Variants in NEGR1 observed in about 807,000 individuals in gnomAD.
NEGR1 encodes IgLON family member 4.
In NEGR1, 10 loss-of-function variants were observed where a neutral mutation model predicts 40.9. The ratio of observed to expected loss-of-function variants is 0.24; its 90% CI spans 0.15 to 0.42. The LOEUF is 0.42. NEGR1 is among the 10% of genes least tolerant of loss of function. The pLI, the probability that NEGR1 is intolerant of heterozygous loss-of-function variation, is 1.00. For synonymous variants in NEGR1, 185 were observed against 166.8 expected (o/e 1.11, Z -0.84); for missense variants, 352 against 438.9 (o/e 0.80, Z 1.77).
intron 1 of NEGR1, among the ~76,000 whole-genome samples, chr1:72,009,461 T>G (rs1358515395): frequency 6.6e-6 from 1 of 152,200 alleles, no homozygotes; most frequent in South Asian, 2.1e-4. Flanking sequence ...TCTTCTTTTT[T>G]AAATCATTCT....
chr1:71,462,647 A>G (rs964319858), intron 6 of NEGR1, among the ~76,000 whole-genome samples: 1 of 152,190 alleles, frequency 6.6e-6, no homozygotes, highest in African/African-American at 2.4e-5. Flanking sequence ...AGATGTGTTG[A>G]AAACAATAAC....
At chr1:71,551,635 C>T (rs755795817) in intron 6 of NEGR1, among the ~76,000 whole-genome samples, 9 of 151,616 alleles carry the variant, frequency 5.9e-5, no homozygotes, top group African/African-American at 1.9e-4. Context: ...CTTTCCCACC[C>T]GTGGTAGACA....
At chr1:71,755,229 T>A (rs900895372) in intron 3 of NEGR1, among the ~76,000 whole-genome samples, 1 of 152,120 alleles carries the variant, frequency 6.6e-6, no homozygotes, top group Non-Finnish European at 1.5e-5. Context: ...TCTATCAGTC[T>A]GTTGGTTTTA....
chr1:71,885,832 A>T (rs559293832), intron 2 of NEGR1, among the ~76,000 whole-genome samples: 1 of 152,154 alleles, frequency 6.6e-6, no homozygotes, highest in African/African-American at 2.4e-5. Context: ...GTTTACCTGG[A>T]TATTTTTCAT....
At chr1:72,246,434 C>T (rs369987018) in intron 1 of NEGR1, among the ~76,000 whole-genome samples, 1 of 152,042 alleles carries the variant, frequency 6.6e-6, no homozygotes, top group East Asian at 1.9e-4. Context: ...GTTTTTATGC[C>T]TCCATGCCAT....
intron 6 of NEGR1, among the ~76,000 whole-genome samples, chr1:71,578,873 G>A (rs967539367): frequency 2.0e-5 from 3 of 152,106 alleles, no homozygotes; most frequent in African/African-American, 7.2e-5. Context: ...ATTGGCACAA[G>A]CATATCTGAT....
At chr1:71,868,460 TAGATAGAC>T (rs747697881) in intron 2 of NEGR1, among the ~76,000 whole-genome samples, 1 of 92,662 alleles carries the variant, frequency 1.1e-5, no homozygotes, top group Non-Finnish European at 2.4e-5. Flanking sequence ...GATAGATAGA[TAGATAGAC>T]AGAATACATA....
At chr1:71,800,948 G>A (rs911734528) in intron 2 of NEGR1, among the ~76,000 whole-genome samples, 1 of 152,116 alleles carries the variant, frequency 6.6e-6, no homozygotes, top group Non-Finnish European at 1.5e-5. Context: ...AATAGTGTTT[G>A]TAGTCATCAT....
At chr1:71,553,764 G>C (rs1458834606) in intron 6 of NEGR1, among the ~76,000 whole-genome samples, 3 of 151,502 alleles carry the variant, frequency 2.0e-5, no homozygotes, top group Non-Finnish European at 4.4e-5. Flanking sequence ...AAGTTTGATA[G>C]GTGATGGCTT....
chr1:71,598,282 G>A (rs981689749), intron 5 of NEGR1, among the ~76,000 whole-genome samples: 9 of 152,172 alleles, frequency 5.9e-5, no homozygotes, highest in African/African-American at 2.2e-4. Context: ...ATCGAGTCAA[G>A]CCAAGGAATA....
rs116576189 is a variant in NEGR1, at chr1:72,250,297, T to C, written c.176+32022A>G. ...CCCCAAGCCCCACCCACATCTTCAA[T>C]TGATTCTCTTCCCCTGGGGAACTCT... On this transcript the variant is annotated intron_variant, in intron 1 of 6. Coordinates refer to ENST00000357731, the MANE Select transcript of NEGR1 (RefSeq NM_173808.3). Among the ~76,000 whole-genome samples, 1,480 of 152,196 alleles carry C rather than the reference T, an allele frequency of 9.7e-3. 29 individuals carry two copies. Among genetic ancestry groups the C allele is most frequent in the African/African-American group, 0.034 (1,411 of 41,532 alleles).
chr1:71,898,911 T>A (rs1296502567), intron 2 of NEGR1, among the ~76,000 whole-genome samples: 2 of 128,146 alleles, frequency 1.6e-5, no homozygotes, highest in Non-Finnish European at 3.2e-5. Flanking sequence ...ATATATATAT[T>A]GCAAATATAT....
At chr1:72,270,591 G>A (rs936722188) in intron 1 of NEGR1, among the ~76,000 whole-genome samples, 4 of 151,770 alleles carry the variant, frequency 2.6e-5, no homozygotes, top group East Asian at 3.9e-4. Flanking sequence ...ACCAGCTGTC[G>A]TATCTTCCAT....
intron 1 of NEGR1, among the ~76,000 whole-genome samples, chr1:72,033,199 A>T (rs933210550): frequency 6.6e-6 from 1 of 152,178 alleles, no homozygotes; most frequent in Non-Finnish European, 1.5e-5. Flanking sequence ...GCAACTATAA[A>T]ATCTTTTAAT....
intron 6 of NEGR1, among the ~76,000 whole-genome samples, chr1:71,441,358 C>G (rs1646546138): frequency 6.6e-6 from 1 of 152,152 alleles, no homozygotes; most frequent in Admixed American, 6.5e-5. Flanking sequence ...AAGGGCCCTC[C>G]CACTGGGGGC....
intron 6 of NEGR1, among the ~76,000 whole-genome samples, chr1:71,587,642 G>A (rs1649349988): frequency 8.7e-6 from 1 of 114,836 alleles, no homozygotes; most frequent in South Asian, 3.2e-4. Flanking sequence ...ATGCATACAC[G>A]AGTACACACA....
chr1:71,454,390 T>C, intron 6 of NEGR1, among the ~76,000 whole-genome samples: 1 of 152,302 alleles, frequency 6.6e-6, no homozygotes, highest in Non-Finnish European at 1.5e-5. Context: ...TTCTTGGATG[T>C]CAATAATATC....
rs919489667 is a variant in NEGR1 at position 71,402,795 on chromosome 1, T to A, written c.*4651A>T. 6.6e-6 allele frequency: 1 copy of A among 152,250 alleles called. No individual in the cohort carries two copies. The highest frequency in any genetic ancestry group is 1.9e-4 in the East Asian group (1 of 5,180). The allele number at this position is 152,250 out of a possible 1,614,324, so 9.4% of individuals were successfully genotyped here. A position where few individuals can be genotyped will look rare whatever the true frequency, so the allele number is the denominator to read the frequency against. On this transcript the variant is annotated 3_prime_UTR_variant, in exon 7 of 7. Transcript: ENST00000357731. Reference sequence around the variant, plus strand: ...CCAAGATATGATTTTGAAGCATCTATGTTTTGCCCTATTCTTTTGAGAGGG... The same window carrying A: ...CCAAGATATGATTTTGAAGCATCTAAGTTTTGCCCTATTCTTTTGAGAGGG...
intron 1 of NEGR1, among the ~76,000 whole-genome samples, chr1:72,069,891 C>G (rs1647390814): frequency 6.6e-6 from 1 of 152,082 alleles, no homozygotes; most frequent in Non-Finnish European, 1.5e-5. Context: ...GTGTAATTCT[C>G]TTTCTTCATG....
Sources: gnomAD v4.1 joint callset for allele counts (sites outside exome capture counted in the v4.1 genomes callset) on GRCh38, gnomAD v4.1.1 for gene constraint, MANE v1.5 for transcripts, NCBI Gene and HGNC (gene_info 2026-07-23, HGNC 2026-07-21) for gene names.